The following TNIP3 variants were observed in gnomAD, a reference collection of about 807,000 sequenced individuals.
TNIP3 encodes the protein TNFAIP3 interacting protein 3, also known as TNFAIP3-interacting protein 3.
TNIP3 carries 34 observed loss-of-function variants against 54.1 expected under a neutral mutation model. The observed-to-expected ratio is 0.63, with a 90% confidence interval of 0.48 to 0.84. The LOEUF (loss-of-function observed/expected upper bound fraction) is 0.84, where lower values mean the gene tolerates loss of function less well. TNIP3 is among the 40% of genes least tolerant of loss of function. The pLI, the probability that TNIP3 is intolerant of heterozygous loss-of-function variation, is 0.00. For missense variants in TNIP3, 366 were observed against 387.6 expected (o/e 0.94, Z 0.47); for synonymous variants, 134 against 136.8 (o/e 0.98, Z 0.14).
At chr4:121,197,827 A>T (rs1725682837) in intron 2 of TNIP3, among the ~76,000 whole-genome samples, 1 of 152,186 alleles carries the variant, frequency 6.6e-6, no homozygotes, top group African/African-American at 2.4e-5. Flanking sequence ...GGAGAGCCGT[A>T]TAAGAAAGTC....
chr4:121,226,765 GC>G (rs1262473558), intron 1 of TNIP3, among the ~76,000 whole-genome samples: 2 of 152,174 alleles, frequency 1.3e-5, no homozygotes, highest in African/African-American at 4.8e-5. Flanking sequence ...AGTTTATTTT[GC>G]AATCTCGTTT....
intron 5 of TNIP3, among the ~76,000 whole-genome samples, chr4:121,153,258 T>C (rs1330673329): frequency 6.6e-6 from 1 of 152,176 alleles, no homozygotes; most frequent in Non-Finnish European, 1.5e-5. Flanking sequence ...TTCTGTGAAC[T>C]ACAAATATGG....
chr4:121,203,023 C>A (rs1725976883), intron 2 of TNIP3, among the ~76,000 whole-genome samples: 1 of 152,166 alleles, frequency 6.6e-6, no homozygotes, highest in South Asian at 2.1e-4. Flanking sequence ...TGTGAATATT[C>A]CTTAAAGAAT....
intron 8 of TNIP3, 25 bp from the exon 9 acceptor site, chr4:121,141,939 C>T: frequency 6.5e-7 from 1 of 1,531,808 alleles, no homozygotes; most frequent in Non-Finnish European, 8.9e-7. Flanking sequence ...ACTGTGGGGT[C>T]ACTACCAGTG....
At chr4:121,195,345 G>T (rs974429800) in intron 2 of TNIP3, among the ~76,000 whole-genome samples, 1 of 152,160 alleles carries the variant, frequency 6.6e-6, no homozygotes, top group Non-Finnish European at 1.5e-5. Flanking sequence ...AACAACAGTG[G>T]TATGAGCCTT....
chr4:121,162,318 G>A (rs904603569), intron 1 of TNIP3, among the ~76,000 whole-genome samples: 24 of 152,018 alleles, frequency 1.6e-4, no homozygotes, highest in Admixed American at 6.6e-5. Flanking sequence ...AGATGTTCTC[G>A]TTTCCTTAGC....
intron 5 of TNIP3, among the ~76,000 whole-genome samples, chr4:121,151,445 G>A (rs1032081871): frequency 6.6e-6 from 1 of 152,084 alleles, no homozygotes; most frequent in African/African-American, 2.4e-5. Flanking sequence ...AGCCTGATAT[G>A]AATATCATTT....
At chr4:121,218,659 C>T (rs9985938), upstream of TNIP3, among the ~76,000 whole-genome samples, 16,755 of 151,054 alleles carry the variant, frequency 0.11, 2,299 homozygotes, top group African/African-American at 0.33. Flanking sequence ...TCTTTTGAGA[C>T]GATGTCTCAC....
chr4:121,165,751 G>A (rs1264391930), upstream of TNIP3, among the ~76,000 whole-genome samples: 1 of 151,144 alleles, frequency 6.6e-6, no homozygotes, highest in Non-Finnish European at 1.5e-5. Context: ...AGGGAGTGAC[G>A]CTGCTTTAAG....
In TNIP3 at chr4:121,204,764, T is replaced by G. The variant is rs567522834; in HGVS notation, c.68+11651A>C. The stretch of plus-strand genomic sequence containing the variant: ...GTCCAAGGGTATGGACATTAAAACT[T>G]TTAATAGTGCTTCTTGGTTATTTTC... On this transcript the variant is annotated intron_variant, in intron 2 of 12. Coordinates refer to the TNIP3 transcript ENST00000507879. Among the ~76,000 whole-genome samples the G allele has an allele frequency of 2.1e-4, 32 of 152,308 alleles. No individual in the cohort carries two copies. The South Asian group carries it at 5.2e-3, about 25-fold the overall frequency.
intron 9 of TNIP3, among the ~76,000 whole-genome samples, chr4:121,140,078 G>A (rs1320667087): frequency 6.6e-6 from 1 of 152,128 alleles, no homozygotes; most frequent in East Asian, 1.9e-4. Flanking sequence ...GCTCATGCCT[G>A]TAATCTCAGC....
intron 2 of TNIP3, among the ~76,000 whole-genome samples, chr4:121,194,305 G>C (rs1011040234): frequency 2.0e-5 from 3 of 152,068 alleles, no homozygotes; most frequent in African/African-American, 7.2e-5. Flanking sequence ...AAAATTTTTT[G>C]ATAAGTTTAA....
intron 2 of TNIP3, among the ~76,000 whole-genome samples, chr4:121,187,750 T>A (rs17051313): frequency 0.025 from 3,820 of 152,276 alleles, 160 homozygotes; most frequent in African/African-American, 0.086. Context: ...CCAAAGTCCA[T>A]GGATGGGATT....
intron 7 of TNIP3, among the ~76,000 whole-genome samples, chr4:121,144,384 T>C (rs1292046561): frequency 1.3e-5 from 2 of 152,076 alleles, no homozygotes; most frequent in Non-Finnish European, 2.9e-5. Flanking sequence ...GCTAAATGTT[T>C]TCTAAAGCGT....
At chr4:121,166,567 A>G (rs1177764187), upstream of TNIP3, among the ~76,000 whole-genome samples, 1 of 152,234 alleles carries the variant, frequency 6.6e-6, no homozygotes, top group Non-Finnish European at 1.5e-5. Context: ...TTCTGAAGTC[A>G]CTAAAATATT....
At chr4:121,153,699 A>G (rs1372996187) in intron 5 of TNIP3, among the ~76,000 whole-genome samples, 1 of 152,194 alleles carries the variant, frequency 6.6e-6, no homozygotes, top group African/African-American at 2.4e-5. Flanking sequence ...TACTTTGAGG[A>G]TCTTTAAATA....
At chr4:121,180,233 T>C (rs539044898) in intron 3 of TNIP3, among the ~76,000 whole-genome samples, 5 of 152,202 alleles carry the variant, frequency 3.3e-5, no homozygotes, top group Non-Finnish European at 5.9e-5. Flanking sequence ...ACCCCGTCTC[T>C]ACTAAAAATA....
intron 3 of TNIP3, among the ~76,000 whole-genome samples, chr4:121,178,656 G>C (rs902357300): frequency 3.3e-5 from 5 of 152,162 alleles, no homozygotes; most frequent in Non-Finnish European, 7.3e-5. Flanking sequence ...TTCCATACAA[G>C]AACTGAGAGA....
chr4:121,150,314 A>T, intron 5 of TNIP3, 95 bp from the exon 6 acceptor site: 1 of 684,346 alleles, frequency 1.5e-6, no homozygotes, highest in Non-Finnish European at 2.5e-6. Flanking sequence ...GCACCCACAA[A>T]TATGCATTTC....
Sources: gnomAD v4.1 joint callset for allele counts (sites outside exome capture counted in the v4.1 genomes callset) on GRCh38, gnomAD v4.1.1 for gene constraint, MANE v1.5 for transcripts, NCBI Gene and HGNC (gene_info 2026-07-23, HGNC 2026-07-21) for gene names.